The following DDAH1 variants were observed in gnomAD, a reference collection of about 807,000 sequenced individuals.
The protein encoded by DDAH1 is dimethylarginine dimethylaminohydrolase 1.
In DDAH1, 19 loss-of-function variants were observed where a neutral mutation model predicts 28.8. That is an observed-to-expected ratio of 0.66 (90% CI 0.46 to 0.97). The LOEUF is 0.97. Ranked by LOEUF, DDAH1 falls within the 50% of genes least tolerant of loss-of-function variation. DDAH1 has a pLI of 0.00. For missense variants in DDAH1, 326 were observed against 375.9 expected, an observed-to-expected ratio of 0.87 and a Z score of 1.10; for synonymous variants, 153 against 154.4, an observed-to-expected ratio of 0.99 and a Z score of 0.07.
At chr1:85,403,209 A>G (rs1652234849) in intron 1 of DDAH1, among the ~76,000 whole-genome samples, 1 of 141,664 alleles carries the variant, frequency 7.1e-6, no homozygotes, top group Non-Finnish European at 1.5e-5. Context: ...GAATATATAT[A>G]TGAATATGTA....
chr1:85,403,435 C>G (rs937403376), intron 1 of DDAH1, among the ~76,000 whole-genome samples: 7 of 152,134 alleles, frequency 4.6e-5, no homozygotes, highest in Non-Finnish European at 1.5e-5. Flanking sequence ...CTAAACATCC[C>G]TAGGCTCTAC....
chr1:85,412,418 C>A (rs1481823726), intron 1 of DDAH1, among the ~76,000 whole-genome samples: 3 of 152,232 alleles, frequency 2.0e-5, no homozygotes, highest in African/African-American at 7.2e-5. Context: ...TCACTCAACA[C>A]AAGACGATCT....
intron 1 of DDAH1, among the ~76,000 whole-genome samples, chr1:85,429,592 C>G (rs1020901975): frequency 1.3e-5 from 2 of 152,226 alleles, no homozygotes; most frequent in African/African-American, 4.8e-5. Context: ...AATTGCCACA[C>G]TGACTTCCAC....
intron 1 of DDAH1, among the ~76,000 whole-genome samples, chr1:85,438,649 C>G (rs187448141): frequency 1.3e-5 from 2 of 152,302 alleles, no homozygotes; most frequent in East Asian, 3.9e-4. Flanking sequence ...CCAAGTCCTG[C>G]TTAAACTGCA....
chr1:85,442,198 GC>G (rs1482656172), intron 1 of DDAH1, among the ~76,000 whole-genome samples: 8 of 152,044 alleles, frequency 5.3e-5, no homozygotes, highest in Non-Finnish European at 1.2e-4. Flanking sequence ...CCCACGACAG[GC>G]CCCAGTGTGT....
chr1:85,420,677 C>T (rs1653098305), intron 1 of DDAH1, among the ~76,000 whole-genome samples: 1 of 152,166 alleles, frequency 6.6e-6, no homozygotes, highest in Non-Finnish European at 1.5e-5. Flanking sequence ...ATTTTGGTCA[C>T]AGTCATTTAA....
At chr1:85,388,580 A>C (rs938676559) in intron 1 of DDAH1, among the ~76,000 whole-genome samples, 1 of 152,236 alleles carries the variant, frequency 6.6e-6, no homozygotes, top group African/African-American at 2.4e-5. Flanking sequence ...TCTGTTGTCC[A>C]GAATCATTAG....
At chr1:85,501,538 G>A (rs931413705) in intron 1 of DDAH1, among the ~76,000 whole-genome samples, 3 of 152,150 alleles carry the variant, frequency 2.0e-5, no homozygotes, top group African/African-American at 7.2e-5. Flanking sequence ...GTTTCTCTGT[G>A]CAGCTTTCTC....
chr1:85,464,621 G>T lies in DDAH1; in HGVS notation c.303+122C>A. On this transcript the variant is annotated intron_variant, in intron 1 of 5. Coordinates refer to ENST00000284031, the MANE Select transcript of DDAH1 (RefSeq NM_012137.4). This position sits in a 1 kb window ranked among gnomAD's most constrained non-coding sequence, Gnocchi z 4.4. ...ACACACACACACACACTCGCCCCCC[G>T]ACGGGAAGTTGTGAACTACTAGCCC... 1 of 1,511,340 alleles carries T rather than the reference G, an allele frequency of 6.6e-7. No homozygotes were observed. Among genetic ancestry groups the T allele is most frequent in the Non-Finnish European group, 8.8e-7 (1 of 1,132,966 alleles). 93.6% of individuals were successfully genotyped at this position (1,511,340 alleles called of 1,614,324 possible).
intron 1 of DDAH1, among the ~76,000 whole-genome samples, chr1:85,566,082 A>AG (rs921402402): frequency 9.3e-4 from 2 of 2,148 alleles, no homozygotes; most frequent in African/African-American, 1.2e-3. Context: ...ACTCTGTCTC[A>AG]AAAAAAAAAA....
At chr1:85,446,827 TCTC>T (rs1009151816) in intron 1 of DDAH1, among the ~76,000 whole-genome samples, 3 of 152,024 alleles carry the variant, frequency 2.0e-5, no homozygotes, top group African/African-American at 4.8e-5. Flanking sequence ...CCTTTCTTCT[TCTC>T]CTTCTCTCTT....
At chr1:85,422,953 A>G (rs949806343) in intron 1 of DDAH1, among the ~76,000 whole-genome samples, 3 of 152,224 alleles carry the variant, frequency 2.0e-5, no homozygotes, top group African/African-American at 7.2e-5. Context: ...CAAGATGTCC[A>G]GCCTCCAGAC....
At chr1:85,360,828 T>C (rs1356511416) in intron 1 of DDAH1, among the ~76,000 whole-genome samples, 1 of 152,184 alleles carries the variant, frequency 6.6e-6, no homozygotes, top group Non-Finnish European at 1.5e-5. Context: ...TTTTAGAGGA[T>C]AAAATGTTTG....
chr1:85,385,884 A>G (rs891361821), intron 1 of DDAH1, among the ~76,000 whole-genome samples: 14 of 152,178 alleles, frequency 9.2e-5, no homozygotes, highest in Admixed American at 6.5e-5. Flanking sequence ...GTGGAAGCCA[A>G]TGGGAGCAGG....
At chr1:85,554,276 GTTT>G (rs368410411) in intron 1 of DDAH1, among the ~76,000 whole-genome samples, 14 of 110,710 alleles carry the variant, frequency 1.3e-4, no homozygotes, top group African/African-American at 4.7e-4. Context: ...AATTGTAAGA[GTTT>G]TTTTTTTTTT....
At chr1:85,463,856 G>A (rs956495406) in intron 1 of DDAH1, among the ~76,000 whole-genome samples, 5 of 152,186 alleles carry the variant, frequency 3.3e-5, no homozygotes, top group African/African-American at 1.2e-4. Flanking sequence ...AAGAATCCCA[G>A]GCCAGATGGC....
intron 1 of DDAH1, among the ~76,000 whole-genome samples, chr1:85,445,922 A>G (rs1654408324): frequency 6.6e-6 from 1 of 152,156 alleles, no homozygotes; most frequent in African/African-American, 2.4e-5. Flanking sequence ...TTTAAAGCCA[A>G]ATGAAGCAAT....
At chr1:85,545,408 T>A (rs1658589729) in intron 1 of DDAH1, among the ~76,000 whole-genome samples, 1 of 152,232 alleles carries the variant, frequency 6.6e-6, no homozygotes, top group Admixed American at 6.5e-5. Flanking sequence ...CTTCTCGCTT[T>A]TTTAAAGATA....
At chr1:85,322,203 G>A (rs1214219146) in intron 5 of DDAH1, among the ~76,000 whole-genome samples, 1 of 152,076 alleles carries the variant, frequency 6.6e-6, no homozygotes, top group Non-Finnish European at 1.5e-5. Flanking sequence ...TATTAAACAG[G>A]CATAAGCCAC....
Sources: gnomAD v4.1 joint callset for allele counts (sites outside exome capture counted in the v4.1 genomes callset) on GRCh38, gnomAD v4.1.1 for gene constraint, Gnocchi (gnomAD v3.1) non-coding constraint, MANE v1.5 for transcripts, NCBI Gene and HGNC (gene_info 2026-07-23, HGNC 2026-07-21) for gene names.